The following ZSCAN25 variants were observed in gnomAD, a reference collection of about 807,000 sequenced individuals.
The protein encoded by ZSCAN25 is zinc finger and SCAN domain containing 25, also known as zinc finger and SCAN domain-containing protein 25.
A neutral mutation model predicts 38.7 loss-of-function variants in ZSCAN25; 27 were observed. The observed-to-expected ratio is 0.70, with a 90% CI of 0.51 to 0.96. The LOEUF (loss-of-function observed/expected upper bound fraction) is 0.96. Among genes scored for constraint, ZSCAN25 ranks in the 40% least tolerant of loss-of-function variants. The pLI is 0.00. For missense variants in ZSCAN25, 637 were observed against 705.9 expected, an observed-to-expected ratio of 0.90 and a Z score of 1.11; for synonymous variants, 273 against 277.7, an observed-to-expected ratio of 0.98 and a Z score of 0.17.
At chr7:99,637,549 A>G in the ZSCAN25 span, among the ~76,000 whole-genome samples, 1 of 152,318 alleles carries the variant, frequency 6.6e-6, no homozygotes, top group Non-Finnish European at 1.5e-5. Context: ...TGCATGATGT[A>G]TGTTTCAGAA....
rs10282706 is a variant in ZSCAN25, at chr7:99,619,801, G to A, written c.195G>A (p.Glu65=). 200,614 of 1,614,084 alleles carry A rather than the reference G, an allele frequency of 0.12. 24,893 individuals carry two copies. The highest frequency in any genetic ancestry group is 0.59 in the African/African-American group (44,537 of 74,954). Reference sequence around the variant, plus strand: ...AGGAAGCTCTTAGGGAGCTCCAGGAGCTCTGTCGTCGGTGGCTGAGGCCCG... The same window carrying A: ...AGGAAGCTCTTAGGGAGCTCCAGGAACTCTGTCGTCGGTGGCTGAGGCCCG... ...GPQEALRELQ[E]LCRRWLRPEL... The change falls in exon 4 of 8, where the codon GAG becomes GAA. Residue 65 remains glutamate (E), a synonymous_variant. Transcript: ENST00000394152.
chr7:99,713,614 C>G, the ZSCAN25 span: 1 of 1,597,268 alleles, frequency 6.3e-7, no homozygotes, highest in South Asian at 1.1e-5. Context: ...AGTCCTCAAC[C>G]TCCCTTCTGA....
the ZSCAN25 span, chr7:99,664,173 C>T: frequency 8.5e-7 from 1 of 1,170,278 alleles, no homozygotes. Flanking sequence ...ATTTTCTCTA[C>T]CAGTAATAAG....
the ZSCAN25 span, among the ~76,000 whole-genome samples, chr7:99,648,894 G>T: frequency 2.0e-4 from 31 of 152,260 alleles, no homozygotes; most frequent in African/African-American, 6.0e-4. Flanking sequence ...CAAGTGCAAT[G>T]ATGGGAAATG....
chr7:99,667,236 C>G, the ZSCAN25 span, among the ~76,000 whole-genome samples: 12 of 110,956 alleles, frequency 1.1e-4, no homozygotes, highest in East Asian at 2.2e-3. Context: ...CTAGCCTCTT[C>G]TGAGTGTATG....
chr7:99,710,758 C>T, the ZSCAN25 span: 3 of 1,613,940 alleles, frequency 1.9e-6, no homozygotes, highest in Non-Finnish European at 2.5e-6. Flanking sequence ...GTATCAATTT[C>T]CTTCTGCACT....
the ZSCAN25 span, chr7:99,717,199 C>T: frequency 1.9e-6 from 3 of 1,613,824 alleles, no homozygotes; most frequent in Non-Finnish European, 2.5e-6. Flanking sequence ...ACAGGCTTGC[C>T]TGTCTCTGCT....
chr7:99,717,679 G>A, the ZSCAN25 span: 2 of 1,608,784 alleles, frequency 1.2e-6, no homozygotes, highest in South Asian at 1.1e-5. Context: ...TACATCAGTT[G>A]TGGAGGTCTC....
downstream of ZSCAN25, among the ~76,000 whole-genome samples, chr7:99,635,240 G>C (rs1808225324): frequency 6.6e-6 from 1 of 151,624 alleles, no homozygotes; most frequent in Non-Finnish European, 1.5e-5. Flanking sequence ...ACAGTTTCAG[G>C]TACTGTACTT....
chr7:99,694,170 A>G, the ZSCAN25 span, among the ~76,000 whole-genome samples: 1 of 152,202 alleles, frequency 6.6e-6, no homozygotes, highest in Non-Finnish European at 1.5e-5. Context: ...CTCCAGGGGC[A>G]CATGGGGAAA....
rs1808059706 is a variant in ZSCAN25, at chr7:99,632,255, A to T, written c.*2235A>T. 3 of 982,718 alleles carry T rather than the reference A, an allele frequency of 3.1e-6. No individual in the cohort carries two copies. The South Asian group carries it at 1.4e-4, about 46-fold the overall frequency. 60.9% of individuals were successfully genotyped at this position (982,718 alleles called of 1,614,324 possible). On this transcript the variant is annotated 3_prime_UTR_variant, in exon 8 of 8. Coordinates refer to ENST00000394152, the MANE Select transcript of ZSCAN25 (RefSeq NM_145115.3). ...TTTCCCATGGGATTGTGGTAGTCTG[A>T]TTTTTCATATCTATTCAAATGTTAA...
the ZSCAN25 span, chr7:99,695,932 GAGA>G: frequency 9.8e-7 from 1 of 1,024,224 alleles, no homozygotes; most frequent in Non-Finnish European, 1.5e-6. Context: ...GAATGCTCAA[GAGA>G]AGGAGGTAAC....
chr7:99,648,969 G>A, the ZSCAN25 span, among the ~76,000 whole-genome samples: 13 of 152,098 alleles, frequency 8.5e-5, no homozygotes, highest in Admixed American at 6.5e-4. Flanking sequence ...TAGTGCAAAC[G>A]GGGAATTTCT....
rs1172662873 is a variant in ZSCAN25 at position 99,619,885 on chromosome 7, C to T, written c.279C>T (p.Ile93=). 1.2e-6 allele frequency: 2 copies of T among 1,614,106 alleles called. No individual in the cohort carries two copies. The highest frequency in any genetic ancestry group is 1.7e-5 in the Admixed American group (1 of 60,014). ...TGGTGCTGGAGCAGTTCCTCACTATCCTGCCCCGCGAGTTCTACGCCTGGA... is the reference window on the plus strand; with the variant it reads ...TGGTGCTGGAGCAGTTCCTCACTATTCTGCCCCGCGAGTTCTACGCCTGGA... ...ELLVLEQFLT[I]LPREFYAWIR... Residue 93 remains isoleucine (I), a synonymous_variant, in exon 4 of 8, where the codon ATC becomes ATT. Transcript: ENST00000394152.
the ZSCAN25 span, among the ~76,000 whole-genome samples, chr7:99,723,766 C>G: frequency 1.3e-5 from 2 of 152,160 alleles, no homozygotes; most frequent in Non-Finnish European, 2.9e-5. Context: ...TCCCTCCACC[C>G]TTCAATCTCT....
chr7:99,725,969 G>A, the ZSCAN25 span, among the ~76,000 whole-genome samples: 1 of 151,984 alleles, frequency 6.6e-6, no homozygotes, highest in Non-Finnish European at 1.5e-5. Flanking sequence ...GTGCCAAATT[G>A]GGCAACATTC....
At chr7:99,732,767 G>A in the ZSCAN25 span, among the ~76,000 whole-genome samples, 2 of 152,098 alleles carry the variant, frequency 1.3e-5, no homozygotes, top group Admixed American at 1.3e-4. Flanking sequence ...TCAAAAGTAC[G>A]GTGTGTATAA....
chr7:99,673,743 GA>G, the ZSCAN25 span, among the ~76,000 whole-genome samples: 1 of 152,160 alleles, frequency 6.6e-6, no homozygotes, highest in Non-Finnish European at 1.5e-5. Flanking sequence ...ATGCATTTAT[GA>G]GCACATATTA....
At chr7:99,664,285 C>G in the ZSCAN25 span, among the ~76,000 whole-genome samples, 1 of 152,200 alleles carries the variant, frequency 6.6e-6, no homozygotes, top group African/African-American at 2.4e-5. Flanking sequence ...ACATAGGAAA[C>G]ACCACTACAG....
Sources: gnomAD v4.1 joint callset for allele counts (sites outside exome capture counted in the v4.1 genomes callset) on GRCh38, gnomAD v4.1.1 for gene constraint, MANE v1.5 for transcripts, NCBI Gene and HGNC (gene_info 2026-07-23, HGNC 2026-07-21) for gene names.